The following CDH3 variants were observed in gnomAD, a reference collection of about 807,000 sequenced individuals.
CDH3 encodes cadherin-3.
A neutral mutation model predicts 82.0 loss-of-function variants in CDH3; 54 were observed. The ratio of observed to expected loss-of-function variants is 0.66; its 90% confidence interval spans 0.53 to 0.83. CDH3 has a LOEUF of 0.83. Among genes scored for constraint, CDH3 ranks in the 40% least tolerant of loss-of-function variants. The probability of loss-of-function intolerance (pLI) is 0.00; values close to 1 mark genes in which losing one functional copy is unlikely to be tolerated. For missense variants in CDH3, 1,054 were observed against 1,084.6 expected, an observed-to-expected ratio of 0.97 and a Z score of 0.40; for synonymous variants, 446 against 437.9, an observed-to-expected ratio of 1.02 and a Z score of -0.23.
chr16:68,668,951 G>A (rs1265295177), intron 2 of CDH3, among the ~76,000 whole-genome samples: 1 of 152,102 alleles, frequency 6.6e-6, no homozygotes, highest in Non-Finnish European at 1.5e-5. Flanking sequence ...AACCTGATGA[G>A]GTAGGTATTG....
intron 1 of CDH3, among the ~76,000 whole-genome samples, chr16:68,708,478 A>G (rs868285430): frequency 1.3e-5 from 2 of 151,824 alleles, no homozygotes; most frequent in Non-Finnish European, 2.9e-5. Context: ...ATTCCCCTAG[A>G]TTTCTCTCGG....
At chr16:68,672,460 C>T (rs750652817) in intron 2 of CDH3, among the ~76,000 whole-genome samples, 3 of 152,134 alleles carry the variant, frequency 2.0e-5, no homozygotes, top group East Asian at 1.9e-4. Context: ...ATGATTTAAC[C>T]TTTGCCACAT....
intron 7 of CDH3, among the ~76,000 whole-genome samples, chr16:68,680,449 C>T (rs556113765): frequency 2.0e-5 from 3 of 152,124 alleles, no homozygotes; most frequent in East Asian, 3.9e-4. Context: ...GAGGCCAAGG[C>T]GGGAGGATCA....
chr16:68,659,984 T>C (rs770723319), intron 2 of CDH3, among the ~76,000 whole-genome samples: 1 of 152,220 alleles, frequency 6.6e-6, no homozygotes, highest in Non-Finnish European at 1.5e-5. Context: ...CCGTAGTCTT[T>C]TACATGGTGA....
At chr16:68,667,468 G>A (rs930198390) in intron 2 of CDH3, among the ~76,000 whole-genome samples, 3 of 152,116 alleles carry the variant, frequency 2.0e-5, no homozygotes, top group African/African-American at 4.8e-5. Context: ...TTTTGTCTAC[G>A]GAAAGATGGG....
intron 10 of CDH3, 73 bp from the exon 11 acceptor site, chr16:68,685,132 T>G: frequency 1.3e-6 from 2 of 1,552,734 alleles, no homozygotes; most frequent in Non-Finnish European, 8.8e-7. Context: ...CCAGTTGGTA[T>G]GAGGAGGCCC....
Position 68,687,770 on chromosome 16 carries a change from C to G in CDH3, c.1795+34C>G, listed in dbSNP as rs1438608682. On this transcript the variant is annotated intron_variant, in intron 12 of 15. Coordinates refer to ENST00000264012, the MANE Select transcript of CDH3 (RefSeq NM_001793.6). ...GTGAGTGGTGGTAGCGGGTGGGGTGCCAGCCCCACTGGTGGGCATCTGCCC... is the reference window on the plus strand; with the variant it reads ...GTGAGTGGTGGTAGCGGGTGGGGTGGCAGCCCCACTGGTGGGCATCTGCCC... The G allele has an allele frequency of 2.0e-6, 3 of 1,477,142 alleles. No homozygotes were observed. In the African/African-American group the frequency reaches 4.1e-5, roughly 20 times the overall value. The allele number at this position is 1,477,142 out of a possible 1,614,324, so 91.5% of individuals were successfully genotyped here. A position where few individuals can be genotyped will look rare whatever the true frequency, so the allele number is the denominator to read the frequency against.
chr16:68,695,842 C>T lies in CDH3; in HGVS notation c.2199C>T (p.Asp733=), dbSNP rs373801553. Residue 733 remains aspartate, a synonymous_variant, in exon 15 of 16, where the codon GAC becomes GAT. Coordinates refer to ENST00000264012, the MANE Select transcript of CDH3 (RefSeq NM_001793.6). ...EARPEVVLRN[D]VAPTIIPTPM... ...GGCCGGAGGTGGTTCTCCGCAATGA[C>T]GTGGCACCAACCATCATCCCGACAC... The T allele has an allele frequency of 1.5e-5, 25 of 1,613,982 alleles. No homozygotes were observed. Among genetic ancestry groups the T allele is most frequent in the East Asian group, 4.5e-5 (2 of 44,894 alleles).
intron 1 of CDH3, among the ~76,000 whole-genome samples, chr16:68,715,063 A>G (rs191047130): frequency 2.5e-4 from 38 of 152,170 alleles, no homozygotes; most frequent in African/African-American, 9.2e-4. Flanking sequence ...GCTCCATTTT[A>G]CGGAGGGGCA....
At chr16:68,661,162 C>T (rs931939576) in intron 2 of CDH3, among the ~76,000 whole-genome samples, 3 of 152,140 alleles carry the variant, frequency 2.0e-5, no homozygotes, top group East Asian at 3.8e-4. Context: ...TTTCTTCACA[C>T]TTTACATAAA....
At chr16:68,685,419 C>T in intron 11 of CDH3, 69 bp downstream of exon 11, 1 of 1,519,944 alleles carries the variant, frequency 6.6e-7, no homozygotes, top group South Asian at 1.1e-5. Flanking sequence ...CACAGCACAG[C>T]ATGTTTCCTC....
At chr16:68,663,785 A>AT (rs949223679) in intron 2 of CDH3, among the ~76,000 whole-genome samples, 20 of 151,602 alleles carry the variant, frequency 1.3e-4, no homozygotes, top group African/African-American at 1.7e-4. Flanking sequence ...TATGCTAAGT[A>AT]TTTTTTTTAA....
intron 2 of CDH3, among the ~76,000 whole-genome samples, chr16:68,658,471 CG>C (rs1411322825): frequency 6.6e-6 from 1 of 152,234 alleles, no homozygotes; most frequent in East Asian, 1.9e-4. Context: ...TATGAGAGGG[CG>C]GCTGGCTGGA....
chr16:68,708,588 C>A (rs897960945), intron 1 of CDH3, among the ~76,000 whole-genome samples: 5 of 152,284 alleles, frequency 3.3e-5, no homozygotes, highest in South Asian at 4.1e-4. Flanking sequence ...CCTGCACCCC[C>A]CAATGCTTTA....
chr16:68,713,010 G>T (rs1004819253), intron 1 of CDH3, among the ~76,000 whole-genome samples: 8 of 151,862 alleles, frequency 5.3e-5, no homozygotes, highest in Non-Finnish European at 1.5e-5. Context: ...CAGCCCCCTC[G>T]CAGCCAGTGC....
rs776716652 is a variant in CDH3, at chr16:68,680,950, CCT to C, written c.868-14_868-13del. 1 of 1,613,908 alleles carries C rather than the reference CCT, an allele frequency of 6.2e-7. No individual in the cohort carries two copies. The highest frequency in any genetic ancestry group is 1.7e-5 in the Admixed American group (1 of 60,020). ...CAGATTAAACTCACAATGGGCTTCC[CCT>C]CTCCTTTCTCCCCAGAAAGTCCCTG... On this transcript the variant is annotated splice_polypyrimidine_tract_variant and intron_variant, in intron 7 of 15. Coordinates refer to ENST00000264012, the MANE Select transcript of CDH3 (RefSeq NM_001793.6).
At chr16:68,723,028 A>G (rs1962181349) in intron 2 of CDH3, among the ~76,000 whole-genome samples, 1 of 144,834 alleles carries the variant, frequency 6.9e-6, no homozygotes, top group African/African-American at 2.5e-5. Flanking sequence ...TCCTGACCTC[A>G]GGTGATCCGC....
intron 13 of CDH3, among the ~76,000 whole-genome samples, chr16:68,693,819 G>C (rs1961637194): frequency 1.3e-5 from 2 of 152,202 alleles, no homozygotes; most frequent in African/African-American, 4.8e-5. Context: ...GAGATGGCTA[G>C]AGGGTCCCCT....
chr16:68,654,489 G>A (rs1237804869), intron 2 of CDH3, among the ~76,000 whole-genome samples: 1 of 127,432 alleles, frequency 7.8e-6, no homozygotes, highest in Admixed American at 8.9e-5. Context: ...GATCACCTGA[G>A]GTCAAGAGTT....
Sources: allele counts gnomAD v4.1 joint callset (sites outside exome capture counted in the v4.1 genomes callset), GRCh38; gene constraint gnomAD v4.1.1; transcripts MANE v1.5; gene names NCBI Gene and HGNC (gene_info 2026-07-23, HGNC 2026-07-21).